The following FOXN3 variants were observed in gnomAD, a reference collection of about 807,000 sequenced individuals.
FOXN3 encodes forkhead box protein N3.
FOXN3 carries 7 observed loss-of-function variants against 38.4 expected under a neutral mutation model. That is an observed-to-expected ratio of 0.18 (90% CI 0.10 to 0.34). FOXN3 has a LOEUF of 0.34. Among genes scored for constraint, FOXN3 ranks in the 10% least tolerant of loss-of-function variants. The pLI is 1.00. For missense variants in FOXN3, 456 were observed against 613.4 expected, an observed-to-expected ratio of 0.74 and a Z score of 2.71; for synonymous variants, 230 against 242.2, an observed-to-expected ratio of 0.95 and a Z score of 0.47.
intron 1 of FOXN3, among the ~76,000 whole-genome samples, chr14:89,528,376 CTTTTTTTTTT>C (rs55935162): frequency 2.5e-3 from 136 of 53,574 alleles, no homozygotes; most frequent in Admixed American, 3.4e-3. Context: ...ATGGATGAAT[CTTTTTTTTTT>C]TTTTTTTTTT....
At chr14:89,236,379 G>C (rs1160129646) in intron 4 of FOXN3, among the ~76,000 whole-genome samples, 1 of 152,206 alleles carries the variant, frequency 6.6e-6, no homozygotes, top group African/African-American at 2.4e-5. Context: ...GCCGGGTGTA[G>C]AGGCAGGCAC....
chr14:89,533,661 C>CAAAAA (rs34194637), intron 1 of FOXN3, among the ~76,000 whole-genome samples: 6 of 65,916 alleles, frequency 9.1e-5, no homozygotes, highest in Non-Finnish European at 1.1e-4. Flanking sequence ...GACTCTGTCT[C>CAAAAA]AAAAAAAAAA....
intron 1 of FOXN3, among the ~76,000 whole-genome samples, chr14:89,461,206 G>A (rs756376122): frequency 2.0e-5 from 3 of 151,640 alleles, no homozygotes; most frequent in Non-Finnish European, 4.4e-5. Flanking sequence ...GCATAGTGGT[G>A]CATGCCTGTA....
chr14:89,347,099 C>T (rs1888782359), intron 3 of FOXN3, among the ~76,000 whole-genome samples: 1 of 151,078 alleles, frequency 6.6e-6, no homozygotes, highest in Non-Finnish European at 1.5e-5. Context: ...AAAAGGGTTG[C>T]TATGGGGTGA....
intron 1 of FOXN3, among the ~76,000 whole-genome samples, chr14:89,568,097 G>A (rs1566702973): frequency 6.6e-6 from 1 of 151,556 alleles, no homozygotes; most frequent in African/African-American, 2.4e-5. Flanking sequence ...TCCTCTCGCT[G>A]CCCCCCCAAA....
intron 3 of FOXN3, among the ~76,000 whole-genome samples, chr14:89,338,724 G>C (rs2139995747): frequency 6.6e-6 from 1 of 152,044 alleles, no homozygotes; most frequent in East Asian, 1.9e-4. Context: ...ACCTGGGGGT[G>C]GGCAGGGAGG....
chr14:89,275,086 C>G (rs753450579), intron 4 of FOXN3, among the ~76,000 whole-genome samples: 5 of 152,230 alleles, frequency 3.3e-5, no homozygotes, highest in Non-Finnish European at 7.3e-5. Flanking sequence ...CTCCAGGAGA[C>G]AAGCATTGTC....
At chr14:89,298,645 T>C (rs775887210) in intron 3 of FOXN3, among the ~76,000 whole-genome samples, 7 of 152,160 alleles carry the variant, frequency 4.6e-5, no homozygotes, top group Non-Finnish European at 7.3e-5. Context: ...TGCCAGGATC[T>C]AGAAATAAGG....
chr14:89,285,324 G>T (rs572979120), intron 3 of FOXN3, among the ~76,000 whole-genome samples: 1 of 152,170 alleles, frequency 6.6e-6, no homozygotes, highest in East Asian at 1.9e-4. Context: ...TTCGAGACCA[G>T]CCTGACCAAC....
At position 89,411,971 on chromosome 14, in the gene FOXN3, T is replaced by C; in HGVS notation, c.506A>G (p.Asn169Ser). 2 of 1,573,052 alleles carry C rather than the reference T, an allele frequency of 1.3e-6. No homozygotes were observed. The highest frequency in any genetic ancestry group is 1.7e-6 in the Non-Finnish European group (2 of 1,155,236). Residue 169 changes from asparagine (N) to serine (S), a missense_variant, in exon 2 of 6, where the codon AAT (asparagine) becomes AGT (serine). Physicochemically the swap from Asn to Ser is conservative, Grantham distance 46. Around this residue, in one of 3 missense-constraint regions of FOXN3, gnomAD observed 386 missense variants for 505.2 expected, o/e 0.76. Coordinates refer to ENST00000557258, the MANE Select transcript of FOXN3 (RefSeq NM_005197.4). ...TTTGTCCACTTTCTTAAAACACTTA[T>C]TCAATGATAAATTGTGTCTCACTGA... is the stretch of plus-strand genomic sequence containing the variant. Reference protein sequence around the residue: ...KNSVRHNLSLNKCFKKVDKER... With the variant: ...KNSVRHNLSLSKCFKKVDKER...
chr14:89,587,973 T>C (rs1377043111), intron 1 of FOXN3, among the ~76,000 whole-genome samples: 2 of 151,998 alleles, frequency 1.3e-5, no homozygotes, highest in Non-Finnish European at 1.5e-5. Context: ...CTGATATAGT[T>C]TGGATCTGTG....
At chr14:89,447,555 C>G (rs1824411277) in intron 1 of FOXN3, among the ~76,000 whole-genome samples, 2 of 152,154 alleles carry the variant, frequency 1.3e-5, no homozygotes, top group East Asian at 1.9e-4. Context: ...TTGAAAAACA[C>G]TGTGTGGCAC....
chr14:89,607,983 A>AT (rs200924391), intron 1 of FOXN3, among the ~76,000 whole-genome samples: 112,707 of 140,844 alleles, frequency 0.8, 49,635 homozygotes, highest in East Asian at 0.99. Context: ...CACCCAGCTA[A>AT]TTTTTTTTTT....
At position 89,463,784 on chromosome 14, in the gene FOXN3, C is replaced by CTCCTT. The variant is rs955571584; in HGVS notation, c.-14-51295_-14-51294insAAGGA. Among the ~76,000 whole-genome samples, 435 of 138,674 alleles carry CTCCTT rather than the reference C, an allele frequency of 3.1e-3. 2 individuals carry two copies. The highest frequency in any genetic ancestry group is 0.011 in the African/African-American group (413 of 37,294). 91.0% of individuals were successfully genotyped at this position (138,674 alleles called of 152,430 possible). ...TATGCAGGGGTAGTGGTCTCTCTCT[C>CTCCTT]TTTTTTTTTTTTTTTTTGAGATGGA... On this transcript the variant is annotated intron_variant, in intron 1 of 6. Coordinates refer to the FOXN3 transcript ENST00000345097.
At chr14:89,506,419 T>C (rs1893938365) in intron 1 of FOXN3, among the ~76,000 whole-genome samples, 1 of 147,320 alleles carries the variant, frequency 6.8e-6, no homozygotes, top group Non-Finnish European at 1.5e-5. Context: ...GGAGCCCCTC[T>C]GCCTGGCCAG....
intron 1 of FOXN3, among the ~76,000 whole-genome samples, chr14:89,466,218 C>T (rs933329183): frequency 2.0e-5 from 3 of 152,148 alleles, no homozygotes; most frequent in Non-Finnish European, 4.4e-5. Context: ...TCTGTGCCTT[C>T]CGAAATTACA....
At chr14:89,566,957 G>A (rs1367891982) in intron 1 of FOXN3, among the ~76,000 whole-genome samples, 1 of 151,406 alleles carries the variant, frequency 6.6e-6, no homozygotes, top group Non-Finnish European at 1.5e-5. Flanking sequence ...GTGGGAATAA[G>A]AGAGTGGGGA....
intron 2 of FOXN3, among the ~76,000 whole-genome samples, chr14:89,395,718 C>A (rs1211732239): frequency 6.6e-6 from 1 of 152,178 alleles, no homozygotes; most frequent in African/African-American, 2.4e-5. Flanking sequence ...GGATACCACA[C>A]AGGAGTAGTG....
intron 1 of FOXN3, among the ~76,000 whole-genome samples, chr14:89,596,286 T>G (rs1896055217): frequency 6.6e-6 from 1 of 152,102 alleles, no homozygotes; most frequent in Admixed American, 6.6e-5. Flanking sequence ...TATAGGCACG[T>G]GCCACCAAGC....
Sources: allele counts gnomAD v4.1 joint callset (sites outside exome capture counted in the v4.1 genomes callset), GRCh38; gene constraint gnomAD v4.1.1; regional missense constraint gnomAD v4.1.1; transcripts MANE v1.5; gene names NCBI Gene and HGNC (gene_info 2026-07-23, HGNC 2026-07-21).